The following SCAF11 variants were observed in gnomAD, a reference collection of about 807,000 sequenced individuals.
SCAF11 encodes SR-related CTD associated factor 11.
Under a neutral mutation model 140.5 loss-of-function variants are expected in SCAF11, and 47 were observed. That is an observed-to-expected ratio of 0.33 (90% confidence interval 0.26 to 0.43). The LOEUF (loss-of-function observed/expected upper bound fraction) is 0.43, where lower values mean the gene tolerates loss of function less well. Among genes scored for constraint, SCAF11 ranks in the 20% least tolerant of loss-of-function variants. SCAF11 has a pLI of 1.00. For missense variants in SCAF11, 1,645 were observed against 1,705.1 expected (o/e 0.96, Z 0.62); for synonymous variants, 557 against 579.4 (o/e 0.96, Z 0.55).
intron 1 of SCAF11, among the ~76,000 whole-genome samples, chr12:45,970,499 G>T (rs966889975): frequency 4.6e-5 from 7 of 152,220 alleles, no homozygotes; most frequent in Non-Finnish European, 1.0e-4. Context: ...TGATAAATGA[G>T]AGACAGAGGT....
At chr12:45,932,317 C>G (rs191373380) in intron 9 of SCAF11, among the ~76,000 whole-genome samples, 1 of 152,040 alleles carries the variant, frequency 6.6e-6, no homozygotes, top group Non-Finnish European at 1.5e-5. Context: ...TTTTCTTATT[C>G]ATTTAGGTCT....
At chr12:45,941,180 T>C (rs1002395031) in intron 6 of SCAF11, among the ~76,000 whole-genome samples, 5 of 152,152 alleles carry the variant, frequency 3.3e-5, no homozygotes, top group Non-Finnish European at 7.3e-5. Flanking sequence ...GATGAGTAGA[T>C]CTTATTTGTA....
intron 6 of SCAF11, among the ~76,000 whole-genome samples, chr12:45,936,262 C>T (rs1238462386): frequency 6.6e-6 from 1 of 152,014 alleles, no homozygotes; most frequent in African/African-American, 2.4e-5. Context: ...CTGTCTCGGC[C>T]TCCTGAGCAG....
chr12:45,925,266 C>T (rs1032513121), intron 11 of SCAF11, among the ~76,000 whole-genome samples, 192 bp from the exon 12 acceptor site: 5 of 152,094 alleles, frequency 3.3e-5, no homozygotes, highest in Non-Finnish European at 7.4e-5. Context: ...TGAAAGAAAA[C>T]ATTTGGCGAG....
chr12:45,977,596 C>A (rs1946264251), intron 1 of SCAF11, among the ~76,000 whole-genome samples: 1 of 152,072 alleles, frequency 6.6e-6, no homozygotes, highest in Admixed American at 6.6e-5. Context: ...CTTAAAAAGA[C>A]TAACATGAGA....
At chr12:45,944,994 G>C in intron 6 of SCAF11, 1 of 447,418 alleles carries the variant, frequency 2.2e-6, no homozygotes, top group Non-Finnish European at 3.9e-6. Context: ...TCAACACCAA[G>C]AAATTGTGAA....
Position 45,939,685 on chromosome 12 carries a change from C to G in SCAF11, c.464-5180G>C, listed in dbSNP as rs149733891. 1.8e-3 allele frequency among the ~76,000 whole-genome samples: 272 copies of G among 152,292 alleles called. 3 individuals are homozygous for G. The highest frequency in any genetic ancestry group is 6.4e-3 in the African/African-American group (266 of 41,554). On this transcript the variant is annotated intron_variant, in intron 6 of 14. Coordinates refer to ENST00000369367, the MANE Select transcript of SCAF11 (RefSeq NM_004719.3). ...TGAGATCGTGCCATTGCACTCTAGC[C>G]TGGGCAACAAGACCGAAACTCCATC...
Position 45,945,234 on chromosome 12 carries a change from CA to C in SCAF11, c.463+14del. Reference sequence around the variant, plus strand: ...CAAAAAAAAAGGTAGAATCCACAAGCAAAAAGTAACTTACTATGTATCCACT... The same window carrying C: ...CAAAAAAAAAGGTAGAATCCACAAGCAAAAGTAACTTACTATGTATCCACT... On this transcript the variant is annotated intron_variant, in intron 6 of 14. Transcript: ENST00000369367. 1 of 1,507,534 alleles carries C rather than the reference CA, an allele frequency of 6.6e-7. No homozygotes were observed. 93.4% of individuals were successfully genotyped at this position (1,507,534 alleles called of 1,614,324 possible). A position where few individuals can be genotyped will look rare whatever the true frequency, so the allele number is the denominator to read the frequency against.
intron 8 of SCAF11, among the ~76,000 whole-genome samples, chr12:45,933,437 G>A (rs1945101360): frequency 6.6e-6 from 1 of 152,042 alleles, no homozygotes; most frequent in South Asian, 2.1e-4. Context: ...AATCAGAGTT[G>A]TATTTATATG....
Position 45,990,566 on chromosome 12 carries a change from C to T in SCAF11, c.-235G>A. ...GCGCTGCTCCGCGCGGCTTAAGCCA[C>T]CGCTACTCCCCCTTCCCCCGCCTTG... On this transcript the variant is annotated 5_prime_UTR_variant, in exon 1 of 15. In the 5' UTR this introduces an upstream ATG that the reference lacks. Transcript: ENST00000369367. 1 of 1,231,020 alleles carries T rather than the reference C, an allele frequency of 8.1e-7. No homozygotes were observed. The highest frequency in any genetic ancestry group is 1.0e-6 in the Non-Finnish European group (1 of 987,606). 76.3% of individuals were successfully genotyped at this position (1,231,020 alleles called of 1,614,324 possible).
Position 45,927,137 on chromosome 12 carries a change from A to G in SCAF11, c.2564T>C (p.Ile855Thr), listed in dbSNP as rs1047317244. 4 of 1,613,876 alleles carry G rather than the reference A, an allele frequency of 2.5e-6. No individual in the cohort carries two copies. The African/African-American group carries it at 5.3e-5, about 22-fold the overall frequency. The change falls in exon 11 of 15, where the codon ATT becomes ACT. Residue 855 changes from isoleucine to threonine, a missense_variant. Ile to Thr is a moderately conservative substitution (Grantham distance 89, BLOSUM62 -1). Around this residue, in one of 2 missense-constraint regions of SCAF11, gnomAD observed 1,582 missense variants for 1,609.2 expected, o/e 0.98. Transcript: ENST00000369367. ...KSRSQSPKKDIARERRQSQSR... is the reference protein window; with the variant it reads ...KSRSQSPKKDTARERRQSQSR... The stretch of plus-strand genomic sequence containing the variant: ...CTGAGATTGCCTCCTTTCTCTTGCA[A>G]TATCCTTTTTTGGGGACTGAGAACG...
intron 1 of SCAF11, among the ~76,000 whole-genome samples, chr12:45,982,860 C>A (rs1946378885): frequency 6.6e-6 from 1 of 152,036 alleles, no homozygotes; most frequent in Non-Finnish European, 1.5e-5. Flanking sequence ...GGGTACTGAG[C>A]CTGGTATTGG....
Position 45,927,958 on chromosome 12 carries a change from T to C in SCAF11, c.1743A>G (p.Glu581=), listed in dbSNP as rs149112278. 19 of 1,613,242 alleles carry C rather than the reference T, an allele frequency of 1.2e-5. No homozygotes were observed. The highest frequency in any genetic ancestry group is 4.0e-5 in the African/African-American group (3 of 74,914). The change falls in exon 11 of 15, where the codon GAA becomes GAG. Residue 581 remains glutamate (E), a synonymous_variant. Transcript: ENST00000369367. The stretch of plus-strand genomic sequence containing the variant: ...CTAGGGAACTCTCTGTTATTTTTTC[T>C]TCATTAACCACTGACTCTACATTCT... ...LSENVESVVN[E]EKITESSLVE...
intron 1 of SCAF11, among the ~76,000 whole-genome samples, chr12:45,968,288 A>C (rs1945996972): frequency 6.6e-6 from 1 of 152,192 alleles, no homozygotes; most frequent in Non-Finnish European, 1.5e-5. Flanking sequence ...ACAAATGTCA[A>C]TCTTTAATGT....
intron 10 of SCAF11, among the ~76,000 whole-genome samples, chr12:45,930,441 T>C (rs867088893): frequency 1.4e-5 from 2 of 147,268 alleles, no homozygotes; most frequent in East Asian, 2.0e-4. Context: ...TTGCGTTGTG[T>C]TTTGTTTTTT....
intron 3 of SCAF11, among the ~76,000 whole-genome samples, chr12:45,952,448 A>G (rs2136580606): frequency 6.6e-6 from 1 of 152,298 alleles, no homozygotes; most frequent in Admixed American, 6.5e-5. Context: ...AGGACTATCC[A>G]AAGTTCCTTT....
chr12:45,964,546 AGT>A (rs1423403634), intron 1 of SCAF11, among the ~76,000 whole-genome samples: 55 of 152,178 alleles, frequency 3.6e-4, no homozygotes, highest in African/African-American at 1.3e-3. Flanking sequence ...AGGTGCCTGT[AGT>A]CCCAGCTGCT....
chr12:45,958,907 T>G (rs2136604121), intron 3 of SCAF11, among the ~76,000 whole-genome samples: 1 of 152,336 alleles, frequency 6.6e-6, no homozygotes, highest in Non-Finnish European at 1.5e-5. Flanking sequence ...ATAAATATAC[T>G]AGACTACGAC....
At chr12:45,980,711 T>C (rs547824803) in intron 1 of SCAF11, among the ~76,000 whole-genome samples, 1 of 152,244 alleles carries the variant, frequency 6.6e-6, no homozygotes, top group Admixed American at 6.5e-5. Flanking sequence ...CTGAGTCCAG[T>C]GGTAATAAAT....
Sources: allele counts gnomAD v4.1 joint callset (sites outside exome capture counted in the v4.1 genomes callset), GRCh38; gene constraint gnomAD v4.1.1; regional missense constraint gnomAD v4.1.1; transcripts MANE v1.5; gene names NCBI Gene and HGNC (gene_info 2026-07-23, HGNC 2026-07-21).